Variants in KCNU1 observed in about 807,000 individuals in gnomAD.
KCNU1 encodes potassium channel subfamily U member 1.
A neutral mutation model predicts 126.8 loss-of-function variants in KCNU1; 93 were observed. That is an observed-to-expected ratio of 0.73 (90% CI 0.62 to 0.87). The LOEUF (loss-of-function observed/expected upper bound fraction) is 0.87, where lower values mean the gene tolerates loss of function less well. Among genes scored for constraint, KCNU1 ranks in the 40% least tolerant of loss-of-function variants. The pLI is 0.00. For missense variants in KCNU1, 1,330 were observed against 1,367.1 expected (o/e 0.97, Z 0.43); for synonymous variants, 523 against 494.2 (o/e 1.06, Z -0.77).
At chr8:36,804,314 G>A (rs1481899576) in intron 3 of KCNU1, among the ~76,000 whole-genome samples, 1 of 152,194 alleles carries the variant, frequency 6.6e-6, no homozygotes, top group East Asian at 1.9e-4. Flanking sequence ...CACTGCTAGG[G>A]GTCAGGGTGG....
intron 16 of KCNU1, 114 bp downstream of exon 16, chr8:36,841,117 C>A: frequency 1.4e-6 from 1 of 724,318 alleles, no homozygotes; most frequent in Non-Finnish European, 2.3e-6. Context: ...AAGCTTTTTC[C>A]CTTTGGTGGA....
chr8:36,830,981 T>A (rs1804524148), intron 10 of KCNU1, among the ~76,000 whole-genome samples: 2 of 145,974 alleles, frequency 1.4e-5, no homozygotes, highest in African/African-American at 5.1e-5. Flanking sequence ...ATTGTTCAAT[T>A]CCCACCTATG....
chr8:36,817,843 C>A, intron 10 of KCNU1, 83 bp downstream of exon 10: 1 of 672,898 alleles, frequency 1.5e-6, no homozygotes, highest in Non-Finnish European at 2.6e-6. Context: ...AAATTACCTT[C>A]ACAATATTTA....
At chr8:36,845,712 C>T in intron 17 of KCNU1, 43 bp downstream of exon 17, 1 of 1,462,426 alleles carries the variant, frequency 6.8e-7, no homozygotes. Context: ...AAAGCAACTA[C>T]AGCTTAATGG....
intron 2 of KCNU1, among the ~76,000 whole-genome samples, chr8:36,801,379 G>T (rs1803298125): frequency 1.3e-5 from 2 of 151,472 alleles, no homozygotes; most frequent in Admixed American, 6.6e-5. Context: ...GGTTTCCTAT[G>T]ATTTCTGGGT....
chr8:36,902,958 A>G (rs763735990), intron 19 of KCNU1, among the ~76,000 whole-genome samples: 1 of 152,158 alleles, frequency 6.6e-6, no homozygotes, highest in Non-Finnish European at 1.5e-5. Context: ...TATATGTTAC[A>G]TTGTCTAGCT....
chr8:36,874,367 G>A (rs1247877158), intron 19 of KCNU1, among the ~76,000 whole-genome samples: 1 of 152,080 alleles, frequency 6.6e-6, no homozygotes, highest in East Asian at 1.9e-4. Flanking sequence ...ATAGAATTCT[G>A]TGGGGGCAGT....
Position 36,840,595 on chromosome 8 carries a change from TC to T in KCNU1, c.1631+23del, listed in dbSNP as rs1231732098. The T allele has an allele frequency of 1.5e-6, 2 of 1,314,052 alleles. No homozygotes were observed. The highest frequency in any genetic ancestry group is 1.8e-4 in the Middle Eastern group (1 of 5,528). The allele number at this position is 1,314,052 out of a possible 1,614,324, so 81.4% of individuals were successfully genotyped here. On this transcript the variant is annotated intron_variant, in intron 15 of 26. Coordinates refer to ENST00000399881, the MANE Select transcript of KCNU1 (RefSeq NM_001031836.3). The stretch of plus-strand genomic sequence containing the variant: ...TGCCCGGTAAGTGAAGTGAAATACT[TC>T]CCTCATTCTTCAGACAACAGCATTC...
chr8:36,919,026 G>A (rs1005655204), intron 23 of KCNU1, 129 bp downstream of exon 23: 14 of 658,044 alleles, frequency 2.1e-5, no homozygotes, highest in African/African-American at 2.0e-4. Context: ...AGCTTTAAGT[G>A]CTTGCCCGGA....
intron 2 of KCNU1, among the ~76,000 whole-genome samples, chr8:36,798,341 A>T (rs536314614): frequency 6.6e-6 from 1 of 152,346 alleles, no homozygotes; most frequent in East Asian, 1.9e-4. Flanking sequence ...TCTGAATGGC[A>T]TAACATTATG....
At chr8:36,801,266 A>G (rs2130389976) in intron 2 of KCNU1, among the ~76,000 whole-genome samples, 1 of 152,254 alleles carries the variant, frequency 6.6e-6, no homozygotes, top group East Asian at 1.9e-4. Flanking sequence ...TTGAATTTGG[A>G]TGGTCTGCTT....
intron 24 of KCNU1, among the ~76,000 whole-genome samples, chr8:36,928,471 G>A (rs1298098180): frequency 6.6e-6 from 1 of 152,044 alleles, no homozygotes; most frequent in African/African-American, 2.4e-5. Flanking sequence ...CCTCCCAGGT[G>A]GTAGTGGGAT....
intron 23 of KCNU1, among the ~76,000 whole-genome samples, chr8:36,920,350 T>C (rs1808293682): frequency 6.6e-6 from 1 of 152,078 alleles, no homozygotes; most frequent in African/African-American, 2.4e-5. Context: ...CATGTGGAAA[T>C]GGAGGGCCAA....
At chr8:36,841,647 G>A (rs1304171965) in intron 16 of KCNU1, among the ~76,000 whole-genome samples, 1 of 152,124 alleles carries the variant, frequency 6.6e-6, no homozygotes, top group African/African-American at 2.4e-5. Flanking sequence ...AGTGAGCTGA[G>A]TTCACACCAC....
intron 9 of KCNU1, among the ~76,000 whole-genome samples, chr8:36,817,140 G>A (rs1372563701): frequency 6.6e-6 from 1 of 152,142 alleles, no homozygotes; most frequent in East Asian, 1.9e-4. Context: ...TGAGATAGAA[G>A]ACTGTGGATA....
intron 26 of KCNU1, among the ~76,000 whole-genome samples, chr8:36,934,237 G>A (rs970181072): frequency 2.0e-5 from 3 of 152,030 alleles, no homozygotes; most frequent in Non-Finnish European, 2.9e-5. Context: ...ATAGCAATAC[G>A]TCTGAATGCT....
At chr8:36,817,986 A>T (rs1315191152) in intron 10 of KCNU1, among the ~76,000 whole-genome samples, 1 of 152,154 alleles carries the variant, frequency 6.6e-6, no homozygotes, top group Non-Finnish European at 1.5e-5. Context: ...GATTTAAGTG[A>T]TTATCATTTG....
chr8:36,853,315 A>C (rs1018015176), intron 18 of KCNU1, among the ~76,000 whole-genome samples: 2 of 152,230 alleles, frequency 1.3e-5, no homozygotes, highest in Non-Finnish European at 2.9e-5. Flanking sequence ...ATGCTACTGC[A>C]TTCCAAGCTG....
intron 16 of KCNU1, among the ~76,000 whole-genome samples, chr8:36,844,759 G>C (rs902314855): frequency 2.6e-5 from 4 of 152,186 alleles, no homozygotes; most frequent in African/African-American, 9.7e-5. Context: ...GAGAAGGGAT[G>C]ATTTTTAAAG....
Sources: allele counts gnomAD v4.1 joint callset (sites outside exome capture counted in the v4.1 genomes callset), GRCh38; gene constraint gnomAD v4.1.1; transcripts MANE v1.5; gene names NCBI Gene and HGNC (gene_info 2026-07-23, HGNC 2026-07-21).